Variants in NXPH1 observed in about 807,000 individuals in gnomAD.
NXPH1 encodes neurexophilin-1.
Under a neutral mutation model 23.7 loss-of-function variants are expected in NXPH1, and 5 were observed. The observed-to-expected ratio is 0.21, with a 90% CI of 0.11 to 0.44. NXPH1 has a LOEUF of 0.44. Among genes scored for constraint, NXPH1 ranks in the 20% least tolerant of loss-of-function variants. The pLI is 0.99. For missense variants in NXPH1, 324 were observed against 321.6 expected (o/e 1.01, Z -0.06); for synonymous variants, 144 against 122.2 (o/e 1.18, Z -1.18).
Position 8,628,628 on chromosome 7 carries a change from T to C in NXPH1, c.55-122380T>C, listed in dbSNP as rs576339115. 3.9e-5 allele frequency among the ~76,000 whole-genome samples: 6 copies of C among 152,194 alleles called. No individual in the cohort carries two copies. In the East Asian group the frequency reaches 1.2e-3, roughly 29 times the overall value. On this transcript the variant is annotated intron_variant, in intron 2 of 2. Coordinates refer to ENST00000405863, the MANE Select transcript of NXPH1 (RefSeq NM_152745.3). ...CTGGGGGGTATGAAAGAAATGATTC[T>C]TTTCATGTACTATAATCAATGCAGA...
chr7:8,750,047 T>C (rs1460895264), intron 2 of NXPH1, among the ~76,000 whole-genome samples: 3 of 152,226 alleles, frequency 2.0e-5, no homozygotes, highest in Non-Finnish European at 4.4e-5. Flanking sequence ...CTCTCAGTCA[T>C]TGACCACATG....
At chr7:8,572,453 T>C (rs1024762678) in intron 2 of NXPH1, among the ~76,000 whole-genome samples, 1 of 152,030 alleles carries the variant, frequency 6.6e-6, no homozygotes, top group Non-Finnish European at 1.5e-5. Flanking sequence ...TACTGACTTA[T>C]TTTTTAAACC....
At chr7:8,438,808 T>G (rs1031673777) in intron 2 of NXPH1, among the ~76,000 whole-genome samples, 2 of 152,206 alleles carry the variant, frequency 1.3e-5, no homozygotes, top group African/African-American at 4.8e-5. Flanking sequence ...CGGGATTCTT[T>G]GAATGCTTTA....
At chr7:8,726,832 G>A (rs1780062997) in intron 2 of NXPH1, among the ~76,000 whole-genome samples, 1 of 151,676 alleles carries the variant, frequency 6.6e-6, no homozygotes, top group African/African-American at 2.4e-5. Flanking sequence ...ATGATTTATA[G>A]TCCTTTGGGT....
intron 2 of NXPH1, among the ~76,000 whole-genome samples, chr7:8,741,713 T>C (rs1248523543): frequency 1.3e-5 from 2 of 152,140 alleles, no homozygotes; most frequent in Non-Finnish European, 2.9e-5. Context: ...CTTTGGGTAT[T>C]ATCAATAAAA....
chr7:8,447,359 G>T (rs114484367), intron 2 of NXPH1, among the ~76,000 whole-genome samples: 1 of 152,220 alleles, frequency 6.6e-6, no homozygotes, highest in African/African-American at 2.4e-5. Flanking sequence ...GTGAAAGGAA[G>T]TTATTCATGC....
chr7:8,533,136 G>A (rs544831028), intron 2 of NXPH1, among the ~76,000 whole-genome samples: 1 of 152,278 alleles, frequency 6.6e-6, no homozygotes, highest in South Asian at 2.1e-4. Flanking sequence ...GCATTGAGGT[G>A]ATAGAGCAAA....
At chr7:8,665,490 C>T (rs1224515143) in intron 2 of NXPH1, among the ~76,000 whole-genome samples, 1 of 151,764 alleles carries the variant, frequency 6.6e-6, no homozygotes, top group African/African-American at 2.4e-5. Flanking sequence ...ATTGCTTTGG[C>T]CATTTGGGGT....
chr7:8,508,660 G>A (rs1404702044), intron 2 of NXPH1, among the ~76,000 whole-genome samples: 3 of 151,808 alleles, frequency 2.0e-5, no homozygotes, highest in Non-Finnish European at 2.9e-5. Flanking sequence ...TTTATGTCTT[G>A]AATGTAAATC....
At chr7:8,678,980 G>C (rs1275920070) in intron 2 of NXPH1, among the ~76,000 whole-genome samples, 2 of 87,958 alleles carry the variant, frequency 2.3e-5, no homozygotes, top group Non-Finnish European at 4.3e-5. Flanking sequence ...ACGGAGTCTC[G>C]CTCTGTCACC....
At chr7:8,709,034 T>A (rs185226957) in intron 2 of NXPH1, among the ~76,000 whole-genome samples, 17 of 152,316 alleles carry the variant, frequency 1.1e-4, no homozygotes, top group Middle Eastern at 6.8e-3. Context: ...AGATTCCTCA[T>A]AAAATTGGCT....
intron 2 of NXPH1, among the ~76,000 whole-genome samples, chr7:8,436,525 G>A (rs1323802224): frequency 6.6e-6 from 1 of 152,176 alleles, no homozygotes; most frequent in Non-Finnish European, 1.5e-5. Flanking sequence ...TACACTGCTG[G>A]AACTCGGCTC....
chr7:8,572,063 A>C (rs959401388), intron 2 of NXPH1, among the ~76,000 whole-genome samples: 2 of 152,072 alleles, frequency 1.3e-5, no homozygotes, highest in Admixed American at 6.6e-5. Context: ...TTAGCAAAAA[A>C]CAGGACACCC....
intron 2 of NXPH1, among the ~76,000 whole-genome samples, chr7:8,520,076 G>A (rs1402353118): frequency 6.6e-6 from 1 of 151,982 alleles, no homozygotes; most frequent in Non-Finnish European, 1.5e-5. Context: ...AAAGAATGGG[G>A]TTATAAACCC....
chr7:8,455,327 T>G (rs1816577024), intron 2 of NXPH1, among the ~76,000 whole-genome samples: 1 of 152,194 alleles, frequency 6.6e-6, no homozygotes, highest in African/African-American at 2.4e-5. Context: ...GAGACTTTAA[T>G]CAGTTGTCAT....
intron 2 of NXPH1, among the ~76,000 whole-genome samples, chr7:8,521,960 A>G (rs1356881581): frequency 6.6e-6 from 1 of 152,184 alleles, no homozygotes; most frequent in Non-Finnish European, 1.5e-5. Flanking sequence ...AGCCAAGACT[A>G]CATGGCTGCA....
chr7:8,438,522 C>G (rs1816235042), intron 2 of NXPH1, among the ~76,000 whole-genome samples: 2 of 152,212 alleles, frequency 1.3e-5, no homozygotes, highest in African/African-American at 2.4e-5. Context: ...TATGCCTTAC[C>G]TCTTAGCTGA....
chr7:8,488,190 T>C (rs892087289), intron 2 of NXPH1, among the ~76,000 whole-genome samples: 1 of 152,144 alleles, frequency 6.6e-6, no homozygotes, highest in Non-Finnish European at 1.5e-5. Flanking sequence ...GTAGGTAACT[T>C]TTCTTTTTCT....
At chr7:8,673,349 C>T (rs1019884156) in intron 2 of NXPH1, among the ~76,000 whole-genome samples, 2 of 152,104 alleles carry the variant, frequency 1.3e-5, no homozygotes, top group Non-Finnish European at 2.9e-5. Context: ...GTATCAAGTT[C>T]TCAGATATAA....
Sources: gnomAD v4.1 joint callset for allele counts (sites outside exome capture counted in the v4.1 genomes callset) on GRCh38, gnomAD v4.1.1 for gene constraint, MANE v1.5 for transcripts, NCBI Gene and HGNC (gene_info 2026-07-23, HGNC 2026-07-21) for gene names.